Variants in AMD1 observed in about 807,000 individuals in gnomAD.
AMD1 encodes S-adenosylmethionine decarboxylase proenzyme.
Under a neutral mutation model 40.2 loss-of-function variants are expected in AMD1, and 11 were observed. That is an observed-to-expected ratio of 0.27 (90% CI 0.17 to 0.45). The LOEUF is 0.45. Ranked by LOEUF, AMD1 falls within the 20% of genes least tolerant of loss-of-function variation. The probability of loss-of-function intolerance (pLI) is 1.00; values close to 1 mark genes in which losing one functional copy is unlikely to be tolerated. For synonymous variants in AMD1, 121 were observed against 130.8 expected, an observed-to-expected ratio of 0.93 and a Z score of 0.51; for missense variants, 257 against 410.2, an observed-to-expected ratio of 0.63 and a Z score of 3.23.
At chr6:110,867,142 CT>C in the AMD1 span, among the ~76,000 whole-genome samples, 110,042 of 150,306 alleles carry the variant, frequency 0.73, 40,852 homozygotes, top group Admixed American at 0.82. Context: ...ATTACTTTTT[CT>C]TTTCTTTTTT....
At chr6:110,820,830 G>A in the AMD1 span, among the ~76,000 whole-genome samples, 2 of 152,092 alleles carry the variant, frequency 1.3e-5, no homozygotes, top group Non-Finnish European at 2.9e-5. Flanking sequence ...TTGAACCCGG[G>A]AGGCAGAGGT....
chr6:110,870,899 A>G (rs995138976), upstream of AMD1, among the ~76,000 whole-genome samples: 1 of 152,140 alleles, frequency 6.6e-6, no homozygotes, highest in Non-Finnish European at 1.5e-5. Flanking sequence ...AGAGAAATAA[A>G]CCTTAATCTT....
the AMD1 span, among the ~76,000 whole-genome samples, chr6:110,854,232 G>T: frequency 1.3e-5 from 2 of 152,134 alleles, no homozygotes; most frequent in Non-Finnish European, 2.9e-5. Flanking sequence ...AGCACTGGTG[G>T]TACCACACCT....
chr6:110,860,825 AC>A, the AMD1 span, among the ~76,000 whole-genome samples: 1 of 127,606 alleles, frequency 7.8e-6, no homozygotes, highest in Non-Finnish European at 1.7e-5. Context: ...ACAAAACAAA[AC>A]ACCCACCCAC....
chr6:110,849,910 T>G, the AMD1 span, among the ~76,000 whole-genome samples: 3 of 151,782 alleles, frequency 2.0e-5, no homozygotes, highest in Admixed American at 6.6e-5. Flanking sequence ...TCCCAGCTAC[T>G]TGGGAAACTG....
the AMD1 span, chr6:110,815,255 GCGCCGCCCGCCGC>G: frequency 8.7e-7 from 1 of 1,154,292 alleles, no homozygotes; most frequent in Non-Finnish European, 1.1e-6. Context: ...GCGCGCGCGC[GCGCCGCCCGCCGC>G]CCGCCGCTCC....
At chr6:110,890,485 G>A (rs1433664501) in intron 4 of AMD1, 129 bp downstream of exon 4, 2 of 700,686 alleles carry the variant, frequency 2.9e-6, no homozygotes, top group East Asian at 3.1e-5. Flanking sequence ...TGCTTTTCTT[G>A]TGGGTTTTTT....
At chr6:110,862,639 G>C in the AMD1 span, among the ~76,000 whole-genome samples, 1 of 150,942 alleles carries the variant, frequency 6.6e-6, no homozygotes, top group African/African-American at 2.4e-5. Context: ...GCTAATTTTT[G>C]TATTTTTAGT....
the AMD1 span, among the ~76,000 whole-genome samples, chr6:110,829,853 A>C: frequency 6.6e-6 from 1 of 151,954 alleles, no homozygotes; most frequent in African/African-American, 2.4e-5. Flanking sequence ...CTCAAAAATA[A>C]ATAAATAATA....
chr6:110,892,466 G>T, intron 6 of AMD1, 23 bp downstream of exon 6: 1 of 1,610,184 alleles, frequency 6.2e-7, no homozygotes, highest in Non-Finnish European at 8.5e-7. Flanking sequence ...AGTAATAATT[G>T]TTGCTGGACT....
chr6:110,838,854 C>T, the AMD1 span, among the ~76,000 whole-genome samples: 3 of 152,086 alleles, frequency 2.0e-5, no homozygotes, highest in African/African-American at 4.8e-5. Flanking sequence ...GCAAAACCTC[C>T]GTCTACTGGG....
the AMD1 span, chr6:110,814,964 G>T: frequency 1.3e-6 from 2 of 1,594,554 alleles, no homozygotes; most frequent in Non-Finnish European, 1.7e-6. Context: ...GTCGCGGGCA[G>T]GGCGAGGACC....
intron 1 of AMD1, among the ~76,000 whole-genome samples, chr6:110,882,964 T>TA (rs1415833417): frequency 6.6e-6 from 1 of 151,930 alleles, no homozygotes; most frequent in Non-Finnish European, 1.5e-5. Context: ...ACAAAACAAT[T>TA]AAAAATATAT....
At chr6:110,868,644 A>G in the AMD1 span, among the ~76,000 whole-genome samples, 2 of 152,320 alleles carry the variant, frequency 1.3e-5, no homozygotes, top group African/African-American at 4.8e-5. Flanking sequence ...TATCAAATAA[A>G]ATTATATTTT....
chr6:110,863,571 T>C, the AMD1 span, among the ~76,000 whole-genome samples: 16 of 151,550 alleles, frequency 1.1e-4, no homozygotes, highest in South Asian at 3.3e-3. Flanking sequence ...GGTTTCACCA[T>C]ATTGGCCAGG....
the AMD1 span, among the ~76,000 whole-genome samples, chr6:110,850,177 G>T: frequency 1.1e-4 from 17 of 151,868 alleles, no homozygotes; most frequent in Admixed American, 4.6e-4. Flanking sequence ...CTAAAAAAAA[G>T]AACTGATTTC....
chr6:110,849,629 A>T, the AMD1 span, among the ~76,000 whole-genome samples: 3 of 152,188 alleles, frequency 2.0e-5, no homozygotes, highest in Admixed American at 6.5e-5. Flanking sequence ...AATTTTTTTT[A>T]AAAAAACCTC....
chr6:110,818,857 C>T, the AMD1 span, among the ~76,000 whole-genome samples: 1 of 152,136 alleles, frequency 6.6e-6, no homozygotes, highest in Non-Finnish European at 1.5e-5. Context: ...TCTCTCTGTG[C>T]CTTATAATTT....
chr6:110,853,121 T>C, the AMD1 span, among the ~76,000 whole-genome samples: 1 of 151,702 alleles, frequency 6.6e-6, no homozygotes, highest in African/African-American at 2.4e-5. Flanking sequence ...TTTCTTTTCT[T>C]TCTTTTTTTC....
Sources: allele counts gnomAD v4.1 joint callset (sites outside exome capture counted in the v4.1 genomes callset), GRCh38; gene constraint gnomAD v4.1.1; transcripts MANE v1.5; gene names NCBI Gene and HGNC (gene_info 2026-07-23, HGNC 2026-07-21).